Variants in IRF3 observed in about 807,000 individuals in gnomAD.
IRF3 encodes interferon regulatory factor 3.
In IRF3, 29 loss-of-function variants were observed where a neutral mutation model predicts 43.2. That is an observed-to-expected ratio of 0.67 (90% CI 0.50 to 0.91). The LOEUF is 0.91. Ranked by LOEUF, IRF3 falls within the 40% of genes least tolerant of loss-of-function variation. IRF3 has a pLI of 0.00. For missense variants in IRF3, 505 were observed against 559.1 expected (o/e 0.90, Z 0.98); for synonymous variants, 228 against 233.9 (o/e 0.97, Z 0.23).
At chr19:49,661,781 A>G (rs2122615949) in intron 6 of IRF3, 167 bp downstream of exon 6, 5 of 767,802 alleles carry the variant, frequency 6.5e-6, no homozygotes, top group Admixed American at 4.9e-5. Context: ...GGGTTTCACT[A>G]TGTTGACCAG....
chr19:49,664,589 C>T, intron 2 of IRF3, 85 bp downstream of exon 2: 1 of 1,606,580 alleles, frequency 6.2e-7, no homozygotes, highest in Non-Finnish European at 8.5e-7. Flanking sequence ...CGCGCCACCT[C>T]CGCCTTCTCA....
At chr19:49,663,104 T>TG (rs1165907646) in intron 4 of IRF3, 84 bp downstream of exon 4, 10 of 1,205,316 alleles carry the variant, frequency 8.3e-6, no homozygotes, top group Non-Finnish European at 1.2e-5. Flanking sequence ...GGCAGGGGAG[T>TG]GGGGGGATCG....
chr19:49,661,036 G>GC, intron 6 of IRF3: 1 of 561,288 alleles, frequency 1.8e-6, no homozygotes, highest in Non-Finnish European at 3.1e-6. Context: ...ACACCCCCAA[G>GC]CCCCCAAGCC....
Position 49,665,767 on chromosome 19 carries a change from C to A in IRF3, c.-145G>T. ...AGAGCGCTGGGGCTTTCTTTTTGAT[C>A]GACTTCTTGAAATAAAACCAACTTT... On this transcript the variant is annotated 5_prime_UTR_variant, in exon 1 of 8. Transcript: ENST00000377139. 1 of 1,544,364 alleles carries A rather than the reference C, an allele frequency of 6.5e-7. No individual in the cohort carries two copies. The highest frequency in any genetic ancestry group is 1.4e-5 in the African/African-American group (1 of 72,764).
At position 49,662,490 on chromosome 19, in the gene IRF3, G is replaced by A; in HGVS notation, c.536C>T (p.Pro179Leu). 1 of 1,580,798 alleles carries A rather than the reference G, an allele frequency of 6.3e-7. No individual in the cohort carries two copies. The highest frequency in any genetic ancestry group is 8.6e-7 in the Non-Finnish European group (1 of 1,165,086). The change falls in exon 5 of 8, where the codon CCC (proline) becomes CTC (leucine). Residue 179 changes from proline to leucine, a missense_variant. Physicochemically the swap from Pro to Leu is moderately conservative, Grantham distance 98. Coordinates refer to ENST00000377139, the MANE Select transcript of IRF3 (RefSeq NM_001571.6). The stretch of plus-strand genomic sequence containing the variant: ...GGGCCCCAGGTTTGGGAAGGGAGTG[G>A]GATTGTCCAAGCTGGGGCTCCGCAG... ...QPLRSPSLDN[P>L]TPFPNLGPSE...
chr19:49,665,819 A>G lies in IRF3; in HGVS notation c.-197T>C, dbSNP rs1298148824. The G allele has an allele frequency of 3.8e-6, 6 of 1,585,266 alleles. No homozygotes were observed. Among genetic ancestry groups the G allele is most frequent in the South Asian group, 1.1e-5 (1 of 90,314 alleles). On this transcript the variant is annotated 5_prime_UTR_variant, in exon 1 of 8. Coordinates refer to ENST00000377139, the MANE Select transcript of IRF3 (RefSeq NM_001571.6). ...TCATTCTTTGGGTAACAGACCCAAA[A>G]GCCGATGGGACGGCCCGCTGGGCTG...
At position 49,660,819 on chromosome 19, in the gene IRF3, G is replaced by A. The variant is rs1211946448; in HGVS notation, c.992C>T (p.Thr331Ile). The part of the protein sequence containing the change: ...DLGPFIVDLI[T>I]FTEGSGRSPR... ...TGAGCGTCCGCTTCCTTCCGTGAAG[G>A]TAATCAGATCTGGGGGCCCAGGAGC... Residue 331 changes from threonine (T) to isoleucine (I), a missense_variant, in exon 7 of 8, where the codon ACC (threonine) becomes ATC (isoleucine). Transcript: ENST00000377139. 1.9e-6 allele frequency: 3 copies of A among 1,599,498 alleles called. No homozygotes were observed. In the Admixed American group the frequency reaches 5.2e-5, roughly 28 times the overall value.
intron 1 of IRF3, chr19:49,665,155 C>T: frequency 3.0e-6 from 1 of 337,896 alleles, no homozygotes; most frequent in Non-Finnish European, 5.5e-6. Flanking sequence ...TAAGTATCCC[C>T]ACTTTCAGGG....
chr19:49,663,536 G>C, intron 2 of IRF3, 22 bp from the exon 3 acceptor site: 6 of 1,612,672 alleles, frequency 3.7e-6, no homozygotes, highest in Non-Finnish European at 5.1e-6. Flanking sequence ...GTGGTGTCAG[G>C]ATGGTGGGGG....
chr19:49,663,536 G>A, intron 2 of IRF3, 22 bp from the exon 3 acceptor site: 5 of 1,612,672 alleles, frequency 3.1e-6, no homozygotes, highest in Non-Finnish European at 2.5e-6. Flanking sequence ...GTGGTGTCAG[G>A]ATGGTGGGGG....
At chr19:49,662,837 CA>C (rs1407874525) in intron 4 of IRF3, among the ~76,000 whole-genome samples, 1 of 152,214 alleles carries the variant, frequency 6.6e-6, no homozygotes, top group Non-Finnish European at 1.5e-5. Context: ...TGGCTCTATG[CA>C]GGTAAGACCT....
chr19:49,663,298 A>T, intron 3 of IRF3, 40 bp from the exon 4 acceptor site: 2 of 1,613,816 alleles, frequency 1.2e-6, no homozygotes, highest in East Asian at 4.5e-5. Context: ...AGTGCCAGGA[A>T]CCCTTGGGGC....
Position 49,660,992 on chromosome 19 carries a change from C to T in IRF3, c.983-164G>A, listed in dbSNP as rs371968046. On this transcript the variant is annotated intron_variant, in intron 6 of 7. Coordinates refer to ENST00000377139, the MANE Select transcript of IRF3 (RefSeq NM_001571.6). ...GAAAGTCCCCTCCTTCCCTCCCTCC[C>T]TCCCTCCCATCAGGGTGGGGTTGTT... 10 of 757,204 alleles carry T rather than the reference C, an allele frequency of 1.3e-5. No homozygotes were observed. In the South Asian group the frequency reaches 1.7e-4, roughly 13 times the overall value. The allele number at this position is 757,204 out of a possible 1,614,324, so 46.9% of individuals were successfully genotyped here.
rs1460695570 is a variant in IRF3 at position 49,665,854 on chromosome 19, CT to C, written c.-233del. 3.1e-6 allele frequency: 5 copies of C among 1,608,470 alleles called. No individual in the cohort carries two copies. The highest frequency in any genetic ancestry group is 2.2e-5 in the South Asian group (2 of 91,006). On this transcript the variant is annotated 5_prime_UTR_variant, in exon 1 of 8. In the 5' UTR this introduces an upstream ATG that the reference lacks. Transcript: ENST00000377139. ...ACGGCCCGCTGGGCTGTTCCCGCCC[CT>C]ATGCCCTTTTTTGGGTTTCCGGCCA...
chr19:49,660,025 A>ACACACACACACACACACACACACCCACC lies in IRF3; in HGVS notation c.1099-193_1099-192insGGTGGGTGTGTGTGTGTGTGTGTGTGTG, dbSNP rs1568451939. Among the ~76,000 whole-genome samples the ACACACACACACACACACACACACCCACC allele has an allele frequency of 9.1e-5, 10 of 110,190 alleles. 1 individual carries two copies. Among genetic ancestry groups the ACACACACACACACACACACACACCCACC allele is most frequent in the African/African-American group, 4.7e-4 (10 of 21,090 alleles). 72.3% of individuals were successfully genotyped at this position (110,190 alleles called of 152,430 possible). On this transcript the variant is annotated intron_variant, in intron 7 of 7. Transcript: ENST00000377139. ...CACACACACACACACACACACACAC[A>ACACACACACACACACACACACACCCACC]CACCCCCTGCTGTAACTGAACCATA...
In IRF3 at chr19:49,660,027, A is replaced by ACACACACC. The variant is rs57168131; in HGVS notation, c.1099-195_1099-194insGGTGTGTG. On this transcript the variant is annotated intron_variant, in intron 7 of 7. Transcript: ENST00000377139. ...CACACACACACACACACACACACACACCCCCTGCTGTAACTGAACCATAGG... is the reference window on the plus strand; with the variant it reads ...CACACACACACACACACACACACACACACACACCCCCCCTGCTGTAACTGAACCATAGG... Among the ~76,000 whole-genome samples, 376 of 74,752 alleles carry ACACACACC rather than the reference A, an allele frequency of 5.0e-3. 12 individuals carry two copies. Among genetic ancestry groups the ACACACACC allele is most frequent in the African/African-American group, 0.033 (340 of 10,160 alleles). The allele number at this position is 74,752 out of a possible 152,430, so 49.0% of individuals were successfully genotyped here.
intron 7 of IRF3, 77 bp from the exon 8 acceptor site, chr19:49,659,910 G>GACT: frequency 1.4e-6 from 2 of 1,469,320 alleles, no homozygotes; most frequent in Non-Finnish European, 1.8e-6. Flanking sequence ...GGGCTTGGAG[G>GACT]ACTACAACTC....
rs1555753000 is a variant in IRF3 at position 49,660,028 on chromosome 19, C to CACACACACACACACACACACACACACACA, written c.1099-196_1099-195insTGTGTGTGTGTGTGTGTGTGTGTGTGTGT. Reference sequence around the variant, plus strand: ...ACACACACACACACACACACACACACCCCCTGCTGTAACTGAACCATAGGC... The same window carrying CACACACACACACACACACACACACACACA: ...ACACACACACACACACACACACACACACACACACACACACACACACACACACACACCCCTGCTGTAACTGAACCATAGGC... On this transcript the variant is annotated intron_variant, in intron 7 of 7. Coordinates refer to ENST00000377139, the MANE Select transcript of IRF3 (RefSeq NM_001571.6). Among the ~76,000 whole-genome samples, 822 of 109,732 alleles carry CACACACACACACACACACACACACACACA rather than the reference C, an allele frequency of 7.5e-3. 55 individuals carry two copies. The highest frequency in any genetic ancestry group is 0.013 in the South Asian group (41 of 3,158). The allele number at this position is 109,732 out of a possible 152,430, so 72.0% of individuals were successfully genotyped here.
chr19:49,661,918 T>C, intron 6 of IRF3, 30 bp downstream of exon 6: 1 of 1,578,398 alleles, frequency 6.3e-7, no homozygotes, highest in Non-Finnish European at 8.6e-7. Context: ...TGCTTTGTAC[T>C]GGCCAGGTCG....
Sources: gnomAD v4.1 joint callset for allele counts (sites outside exome capture counted in the v4.1 genomes callset) on GRCh38, gnomAD v4.1.1 for gene constraint, MANE v1.5 for transcripts, NCBI Gene and HGNC (gene_info 2026-07-23, HGNC 2026-07-21) for gene names.